Variants in SOX5 observed in about 807,000 individuals in gnomAD.
SOX5 encodes the protein SRY-box transcription factor 5.
A neutral mutation model predicts 92.0 loss-of-function variants in SOX5; 9 were observed. The observed-to-expected ratio is 0.10, with a 90% CI of 0.06 to 0.17. SOX5 has a LOEUF of 0.17. SOX5 is among the 10% of genes least tolerant of loss of function. SOX5 has a pLI of 1.00. For synonymous variants in SOX5, 344 were observed against 336.3 expected, an observed-to-expected ratio of 1.02 and a Z score of -0.25; for missense variants, 642 against 944.5, an observed-to-expected ratio of 0.68 and a Z score of 4.20.
chr12:24,203,500 C>T (rs536174501), intron 4 of SOX5, among the ~76,000 whole-genome samples: 27 of 152,314 alleles, frequency 1.8e-4, no homozygotes, highest in Admixed American at 1.4e-3. Context: ...AATGAACACA[C>T]GCATATACTC....
chr12:23,549,640 CAACA>C (rs1041310843), intron 11 of SOX5, among the ~76,000 whole-genome samples: 1 of 151,884 alleles, frequency 6.6e-6, no homozygotes, highest in African/African-American at 2.4e-5. Flanking sequence ...AGATTAATTA[CAACA>C]AAGTAGTCAA....
In SOX5 at chr12:24,552,385, T is replaced by A. The variant is rs182524825; in HGVS notation, c.-251+9944A>T. On this transcript the variant is annotated intron_variant, in intron 1 of 4. Coordinates refer to the SOX5 transcript ENST00000446891. ...TCTCAAACTTTTATGTGCAAAAGAA[T>A]CACCAGTCACACTTGTTACAAATGC... 2.2e-3 allele frequency among the ~76,000 whole-genome samples: 337 copies of A among 152,314 alleles called. 3 individuals are homozygous for A. Among genetic ancestry groups the A allele is most frequent in the African/African-American group, 7.6e-3 (317 of 41,578 alleles).
In SOX5 at chr12:24,445,207, C is replaced by T. The variant is rs117979132; in HGVS notation, c.-250-76568G>A. On this transcript the variant is annotated intron_variant, in intron 1 of 4. Transcript: ENST00000446891. ...GTGATTTTATAGTGACTATAAAGTGCTATATAGCTCATGTAAGCTACATGA... is the reference window on the plus strand; with the variant it reads ...GTGATTTTATAGTGACTATAAAGTGTTATATAGCTCATGTAAGCTACATGA... 4.6e-3 allele frequency among the ~76,000 whole-genome samples: 707 copies of T among 152,280 alleles called. 11 individuals are homozygous for T. The East Asian group carries it at 0.051, about 11-fold the overall frequency.
At chr12:23,765,410 AAG>A (rs1491016433) in intron 3 of SOX5, among the ~76,000 whole-genome samples, 2 of 149,948 alleles carry the variant, frequency 1.3e-5, no homozygotes, top group African/African-American at 4.9e-5. Context: ...AAAAAAAAAA[AAG>A]AGTTTTCCTT....
chr12:24,175,859 T>A (rs957706915), intron 4 of SOX5, among the ~76,000 whole-genome samples: 4 of 152,064 alleles, frequency 2.6e-5, no homozygotes, highest in African/African-American at 4.8e-5. Context: ...AGAGAGGGCT[T>A]CCCTAATGCC....
At chr12:23,838,730 C>G (rs1443043404) in intron 3 of SOX5, among the ~76,000 whole-genome samples, 1 of 151,612 alleles carries the variant, frequency 6.6e-6, no homozygotes, top group Non-Finnish European at 1.5e-5. Flanking sequence ...AGTGACGTTT[C>G]TTTGTGTCTA....
At chr12:24,237,514 C>A (rs1964739010) in intron 3 of SOX5, among the ~76,000 whole-genome samples, 1 of 151,194 alleles carries the variant, frequency 6.6e-6, no homozygotes, top group African/African-American at 2.4e-5. Flanking sequence ...TAATTTTCTT[C>A]AAAAGTTTAA....
At chr12:24,529,735 C>A (rs1469545123) in intron 1 of SOX5, among the ~76,000 whole-genome samples, 2 of 152,108 alleles carry the variant, frequency 1.3e-5, no homozygotes, top group South Asian at 2.1e-4. Context: ...AAAAGCCATA[C>A]AAGGCTGGGC....
At chr12:24,095,126 C>CAGAGAGAGAGAGAGAGAGAG (rs1469520600) in intron 4 of SOX5, among the ~76,000 whole-genome samples, 6 of 90,196 alleles carry the variant, frequency 6.7e-5, no homozygotes, top group Admixed American at 1.2e-4. Context: ...CACACACACA[C>CAGAGAGAGAGAGAGAGAGAG]ACAGAGAGAG....
intron 2 of SOX5, chr12:24,368,035 A>G (rs999997867): frequency 2.0e-5 from 3 of 152,238 alleles, no homozygotes; most frequent in Admixed American, 2.0e-4. Context: ...AATAAAATAC[A>G]TATTTTGGCA....
At chr12:24,346,455 T>G (rs1953259459) in intron 2 of SOX5, among the ~76,000 whole-genome samples, 1 of 107,394 alleles carries the variant, frequency 9.3e-6, no homozygotes, top group Admixed American at 8.6e-5. Flanking sequence ...TTGGAGTACT[T>G]TTTTTTTTTT....
At chr12:24,141,882 G>T (rs1048539651) in intron 4 of SOX5, among the ~76,000 whole-genome samples, 9 of 152,056 alleles carry the variant, frequency 5.9e-5, no homozygotes, top group Admixed American at 5.9e-4. Flanking sequence ...TGAATTAATC[G>T]CTGGCTGAAT....
At chr12:23,966,190 G>T (rs1591872903) in intron 4 of SOX5, among the ~76,000 whole-genome samples, 1 of 76,734 alleles carries the variant, frequency 1.3e-5, no homozygotes, top group Non-Finnish European at 2.7e-5. Flanking sequence ...TCTTCAGAGG[G>T]ACACTCAATA....
intron 3 of SOX5, among the ~76,000 whole-genome samples, chr12:24,257,441 T>A (rs188378905): frequency 2.7e-5 from 4 of 150,772 alleles, no homozygotes; most frequent in Non-Finnish European, 5.9e-5. Context: ...AAGAACAAGA[T>A]TGAAGCTCTA....
chr12:24,364,079 A>G (rs901392139), intron 2 of SOX5, among the ~76,000 whole-genome samples: 9 of 152,144 alleles, frequency 5.9e-5, no homozygotes, highest in South Asian at 2.1e-4. Context: ...TTAGAGAAAA[A>G]TCCCAATCAG....
chr12:24,104,782 T>C (rs1946490628), intron 4 of SOX5, among the ~76,000 whole-genome samples: 1 of 152,226 alleles, frequency 6.6e-6, no homozygotes, highest in Non-Finnish European at 1.5e-5. Context: ...CACTGGCCTA[T>C]CTTGAAGACA....
chr12:24,122,935 AG>A (rs1423199455), intron 4 of SOX5, among the ~76,000 whole-genome samples: 1 of 152,252 alleles, frequency 6.6e-6, no homozygotes, highest in African/African-American at 2.4e-5. Flanking sequence ...GCTGCTGTGA[AG>A]CCATTAGAGG....
At chr12:23,691,904 G>T (rs1593327179) in intron 6 of SOX5, among the ~76,000 whole-genome samples, 5 of 151,836 alleles carry the variant, frequency 3.3e-5, no homozygotes, top group Admixed American at 2.0e-4. Flanking sequence ...GTTTTTTGTT[G>T]TTGTTGTCGT....
chr12:24,099,264 G>T (rs1254995591), intron 4 of SOX5, among the ~76,000 whole-genome samples: 2 of 152,112 alleles, frequency 1.3e-5, no homozygotes, highest in Non-Finnish European at 2.9e-5. Flanking sequence ...CCCTTTGTGG[G>T]TGTTTTAGGC....
Sources: gnomAD v4.1 joint callset for allele counts (sites outside exome capture counted in the v4.1 genomes callset) on GRCh38, gnomAD v4.1.1 for gene constraint, MANE v1.5 for transcripts, NCBI Gene and HGNC (gene_info 2026-07-23, HGNC 2026-07-21) for gene names.